Variants in VPS41 observed in about 807,000 individuals in gnomAD.
VPS41 encodes VPS41 subunit of HOPS complex, also known as vacuolar protein sorting-associated protein 41 homolog.
In VPS41, 85 loss-of-function variants were observed where a neutral mutation model predicts 130.9. The observed-to-expected ratio is 0.65, with a 90% CI of 0.55 to 0.78. VPS41 has a LOEUF of 0.78. Ranked by LOEUF, VPS41 falls within the 30% of genes least tolerant of loss-of-function variation. VPS41 has a pLI of 0.00. For missense variants in VPS41, 874 were observed against 1,018.7 expected, an observed-to-expected ratio of 0.86 and a Z score of 1.93; for synonymous variants, 335 against 332.9, an observed-to-expected ratio of 1.01 and a Z score of -0.07.
intron 18 of VPS41, 56 bp downstream of exon 18, chr7:38,758,298 T>A: frequency 1.3e-6 from 2 of 1,523,144 alleles, no homozygotes; most frequent in Non-Finnish European, 8.8e-7. Flanking sequence ...ATCTAAAGTA[T>A]GAAAAACTTT....
At chr7:38,838,272 G>C (rs1278917134) in intron 4 of VPS41, among the ~76,000 whole-genome samples, 1 of 152,100 alleles carries the variant, frequency 6.6e-6, no homozygotes, top group Non-Finnish European at 1.5e-5. Context: ...AAGGGTACAG[G>C]ATATTCCCAA....
At chr7:38,822,793 A>G (rs907530575) in intron 5 of VPS41, among the ~76,000 whole-genome samples, 4 of 152,216 alleles carry the variant, frequency 2.6e-5, no homozygotes, top group Non-Finnish European at 5.9e-5. Context: ...CACCATGAGA[A>G]AGTTTGAATG....
chr7:38,829,536 T>C (rs1785346815), intron 5 of VPS41, among the ~76,000 whole-genome samples: 1 of 152,184 alleles, frequency 6.6e-6, no homozygotes, highest in Non-Finnish European at 1.5e-5. Context: ...GATTTTATCA[T>C]TGCAAACCAA....
At chr7:38,744,900 A>G (rs1795957241) in intron 23 of VPS41, among the ~76,000 whole-genome samples, 1 of 152,228 alleles carries the variant, frequency 6.6e-6, no homozygotes, top group Non-Finnish European at 1.5e-5. Flanking sequence ...GAAAAACCCT[A>G]CTGAGGTCAG....
intron 4 of VPS41, among the ~76,000 whole-genome samples, chr7:38,855,561 G>A (rs1785965181): frequency 6.6e-6 from 1 of 152,114 alleles, no homozygotes; most frequent in African/African-American, 2.4e-5. Flanking sequence ...ACAAAAACAT[G>A]TTTTGAAACT....
At chr7:38,866,790 CA>C (rs1786239290) in intron 3 of VPS41, among the ~76,000 whole-genome samples, 1 of 151,822 alleles carries the variant, frequency 6.6e-6, no homozygotes. Flanking sequence ...AAAGTGGAGG[CA>C]AACAAAGGAA....
Position 38,754,920 on chromosome 7 carries a change from A to C in VPS41, c.1712T>G (p.Leu571Arg). The change falls in exon 20 of 29, where the codon CTT becomes CGT. Residue 571 changes from leucine to arginine, a missense_variant. Physicochemically the swap from Leu to Arg is moderately radical, Grantham distance 102. Transcript: ENST00000310301. The part of the protein sequence containing the change: ...DFDSEKAVDM[L>R]LDNEDKISIK... ...TGAAATTTTATCTTCATTGTCCAAA[A>C]GCATGTCAACAGCTTTCTGAAACAT... 2 of 1,613,736 alleles carry C rather than the reference A, an allele frequency of 1.2e-6. No homozygotes were observed. Among genetic ancestry groups the C allele is most frequent in the South Asian group, 1.1e-5 (1 of 91,068 alleles).
In VPS41 at chr7:38,842,403, C is replaced by T. The variant is rs555007677; in HGVS notation, c.247-12075G>A. Among the ~76,000 whole-genome samples the T allele has an allele frequency of 3.9e-5, 6 of 152,294 alleles. No individual in the cohort carries two copies. In the South Asian group the frequency reaches 6.2e-4, roughly 16 times the overall value. ...TAAAAGCAAATTACACATGTTGCTA[C>T]CCTGTTTAAAGTAAATTCCTTAATA... On this transcript the variant is annotated intron_variant, in intron 4 of 28. Coordinates refer to ENST00000310301, the MANE Select transcript of VPS41 (RefSeq NM_014396.4).
chr7:38,801,123 A>G (rs1784717131), intron 7 of VPS41, among the ~76,000 whole-genome samples: 1 of 152,200 alleles, frequency 6.6e-6, no homozygotes, highest in Admixed American at 6.5e-5. Context: ...CTCCCAAAAC[A>G]AGAAACTAAA....
Position 38,817,429 on chromosome 7 carries a change from G to C in VPS41, c.450+388C>G, listed in dbSNP as rs547009781. On this transcript the variant is annotated intron_variant, in intron 7 of 28. Transcript: ENST00000310301. ...GACCAGCCAGGCCATGTCTTTAGTA[G>C]AGACATGGCAAAACCCCAACTCTAC... 1.2e-4 allele frequency among the ~76,000 whole-genome samples: 19 copies of C among 152,184 alleles called. No homozygotes were observed. In the South Asian group the frequency reaches 3.5e-3, roughly 28 times the overall value.
intron 4 of VPS41, among the ~76,000 whole-genome samples, chr7:38,837,276 G>A (rs916448834): frequency 6.6e-5 from 10 of 152,108 alleles, no homozygotes; most frequent in Non-Finnish European, 1.2e-4. Context: ...TAGTGGGTGG[G>A]GGCTTTGGGT....
chr7:38,741,121 C>G (rs953862654), intron 25 of VPS41, among the ~76,000 whole-genome samples: 1 of 152,168 alleles, frequency 6.6e-6, no homozygotes, highest in Non-Finnish European at 1.5e-5. Context: ...TACTTTGCAA[C>G]CTGCATGGTG....
chr7:38,811,188 C>CT (rs1784936038), intron 7 of VPS41, among the ~76,000 whole-genome samples: 1 of 151,462 alleles, frequency 6.6e-6, no homozygotes, highest in Non-Finnish European at 1.5e-5. Context: ...CTAAATAAAT[C>CT]TATTTCAAAA....
chr7:38,767,475 TA>T, intron 15 of VPS41, 61 bp downstream of exon 15: 1 of 1,157,334 alleles, frequency 8.6e-7, no homozygotes, highest in Non-Finnish European at 1.2e-6. Flanking sequence ...GGCTTATTTT[TA>T]CTGTTAGCAA....
At chr7:38,898,173 A>T (rs755948966) in intron 1 of VPS41, 44 bp from the exon 2 acceptor site, 1 of 1,552,472 alleles carries the variant, frequency 6.4e-7, no homozygotes, top group African/African-American at 1.4e-5. Flanking sequence ...AGATGATAAA[A>T]GAATAATCAT....
At chr7:38,727,788 A>G (rs1024040220) in intron 27 of VPS41, among the ~76,000 whole-genome samples, 2 of 152,194 alleles carry the variant, frequency 1.3e-5, no homozygotes, top group African/African-American at 4.8e-5. Context: ...TGCTGAACTT[A>G]TATTTGAAAA....
intron 13 of VPS41, 29 bp from the exon 14 acceptor site, chr7:38,771,283 A>T (rs1394557141): frequency 6.6e-7 from 1 of 1,509,166 alleles, no homozygotes; most frequent in Non-Finnish European, 9.0e-7. Context: ...GATGATTTAA[A>T]AAAAAAAAAA....
At chr7:38,894,876 G>A (rs1212176232) in intron 2 of VPS41, among the ~76,000 whole-genome samples, 1 of 152,144 alleles carries the variant, frequency 6.6e-6, no homozygotes, top group South Asian at 2.1e-4. Flanking sequence ...TAGGACATTA[G>A]GCAATCAAGC....
chr7:38,842,660 TTTTC>T (rs1785632959), intron 4 of VPS41, among the ~76,000 whole-genome samples: 1 of 152,198 alleles, frequency 6.6e-6, no homozygotes, highest in Admixed American at 6.5e-5. Flanking sequence ...TTTTGAAATG[TTTTC>T]TTTAACTCTA....
Sources: gnomAD v4.1 joint callset for allele counts (sites outside exome capture counted in the v4.1 genomes callset) on GRCh38, gnomAD v4.1.1 for gene constraint, MANE v1.5 for transcripts, NCBI Gene and HGNC (gene_info 2026-07-23, HGNC 2026-07-21) for gene names.